CAMKMT: variants seen among roughly 807,000 people sequenced by gnomAD.
The protein encoded by CAMKMT is CaM KMT.
CAMKMT carries 53 observed loss-of-function variants against 48.0 expected under a neutral mutation model. The observed-to-expected ratio is 1.10, with a 90% CI of 0.89 to 1.39. The LOEUF is 1.39. Ranked by LOEUF, CAMKMT falls within the 40% of genes most tolerant of loss-of-function variation. The probability of loss-of-function intolerance (pLI) is 0.00; values close to 1 mark genes in which losing one functional copy is unlikely to be tolerated. For synonymous variants in CAMKMT, 165 were observed against 152.3 expected, an observed-to-expected ratio of 1.08 and a Z score of -0.61; for missense variants, 428 against 402.7, an observed-to-expected ratio of 1.06 and a Z score of -0.54.
Position 44,608,126 on chromosome 2 carries a change from G to T in CAMKMT, c.377-96157G>T, listed in dbSNP as rs552619918. 2.1e-3 allele frequency among the ~76,000 whole-genome samples: 289 copies of T among 138,886 alleles called. No individual in the cohort carries two copies. The Middle Eastern group carries it at 0.032, about 16-fold the overall frequency. 91.1% of individuals were successfully genotyped at this position (138,886 alleles called of 152,430 possible). A position where few individuals can be genotyped will look rare whatever the true frequency, so the allele number is the denominator to read the frequency against. On this transcript the variant is annotated intron_variant, in intron 3 of 10. Transcript: ENST00000378494. ...CTTGCTCCGTCGCCCAGGCTGGAGT[G>T]CAGTGGCAGCATCTCGGCTCACTGC...
intron 3 of CAMKMT, among the ~76,000 whole-genome samples, chr2:44,454,413 A>C (rs567199786): frequency 1.8e-4 from 27 of 152,256 alleles, no homozygotes; most frequent in African/African-American, 6.5e-4. Context: ...TGACCCTACC[A>C]GTAAAATAAA....
At chr2:44,549,418 A>G (rs1435895052) in intron 3 of CAMKMT, 36 of 596,440 alleles carry the variant, frequency 6.0e-5, no homozygotes, top group South Asian at 5.7e-4. Context: ...CCAAGGGAAG[A>G]GAAGAACCTC....
At chr2:44,636,433 C>T (rs994875534) in intron 3 of CAMKMT, among the ~76,000 whole-genome samples, 30 of 152,168 alleles carry the variant, frequency 2.0e-4, no homozygotes, top group African/African-American at 6.0e-4. Flanking sequence ...ACTGAAGAGG[C>T]GGCTTGCTTC....
intron 3 of CAMKMT, among the ~76,000 whole-genome samples, chr2:44,413,351 C>G (rs1013584103): frequency 2.0e-5 from 3 of 151,626 alleles, no homozygotes; most frequent in African/African-American, 7.3e-5. Flanking sequence ...CCATCACGTA[C>G]TATTAGTAAA....
intron 3 of CAMKMT, among the ~76,000 whole-genome samples, chr2:44,450,106 C>T (rs1572901306): frequency 6.6e-6 from 1 of 152,088 alleles, no homozygotes; most frequent in South Asian, 2.1e-4. Context: ...GGGACCGATG[C>T]TTTTACTGAG....
At chr2:44,747,954 T>G (rs1211066456) in intron 8 of CAMKMT, among the ~76,000 whole-genome samples, 1 of 152,140 alleles carries the variant, frequency 6.6e-6, no homozygotes. Flanking sequence ...GTAACTGAAG[T>G]GAGAGTTAAA....
intron 3 of CAMKMT, among the ~76,000 whole-genome samples, chr2:44,486,541 T>C (rs1163293095): frequency 6.6e-6 from 1 of 152,246 alleles, no homozygotes; most frequent in East Asian, 1.9e-4. Flanking sequence ...AAACTCATAG[T>C]GTGTACTGAT....
chr2:44,402,851 CT>C (rs1241572271), intron 3 of CAMKMT, among the ~76,000 whole-genome samples: 4 of 139,220 alleles, frequency 2.9e-5, no homozygotes, highest in South Asian at 2.3e-4. Flanking sequence ...CTTTTCTTAG[CT>C]TTTTCCCCCA....
intron 3 of CAMKMT, among the ~76,000 whole-genome samples, chr2:44,680,381 AG>A (rs1395485410): frequency 4.6e-5 from 7 of 152,188 alleles, no homozygotes; most frequent in Admixed American, 4.6e-4. Context: ...GACAGTTAAA[AG>A]CCTCTTCATG....
intron 2 of CAMKMT, among the ~76,000 whole-genome samples, chr2:44,378,660 AT>A (rs1433160538): frequency 6.6e-6 from 1 of 152,066 alleles, no homozygotes. Flanking sequence ...CGCCCAGCTA[AT>A]TTTTGTATTT....
intron 3 of CAMKMT, among the ~76,000 whole-genome samples, chr2:44,582,092 C>G (rs1321639901): frequency 6.6e-6 from 1 of 152,234 alleles, no homozygotes; most frequent in Non-Finnish European, 1.5e-5. Flanking sequence ...GTCCTATTTT[C>G]CTTGTACTTT....
chr2:44,609,178 G>A (rs1237393161), intron 3 of CAMKMT, among the ~76,000 whole-genome samples: 1 of 152,206 alleles, frequency 6.6e-6, no homozygotes, highest in Non-Finnish European at 1.5e-5. Context: ...GTAGAATGGC[G>A]ATTGCCAGAG....
intron 3 of CAMKMT, among the ~76,000 whole-genome samples, chr2:44,427,575 G>T (rs547098129): frequency 6.6e-6 from 1 of 152,284 alleles, no homozygotes; most frequent in East Asian, 1.9e-4. Flanking sequence ...CTAGAGGGAT[G>T]CACATCGAAA....
intron 3 of CAMKMT, among the ~76,000 whole-genome samples, chr2:44,622,042 T>G (rs1478727887): frequency 6.6e-6 from 1 of 152,166 alleles, no homozygotes; most frequent in Non-Finnish European, 1.5e-5. Context: ...TTCTAAATTA[T>G]TGGCTTGAAC....
chr2:44,602,322 C>T (rs1029198411), intron 3 of CAMKMT, among the ~76,000 whole-genome samples: 1 of 152,090 alleles, frequency 6.6e-6, no homozygotes, highest in Non-Finnish European at 1.5e-5. Context: ...TGATAATAAA[C>T]ATTCCTCCAC....
intron 3 of CAMKMT, among the ~76,000 whole-genome samples, chr2:44,530,636 C>T (rs1251925219): frequency 6.6e-6 from 1 of 152,032 alleles, no homozygotes; most frequent in African/African-American, 2.4e-5. Context: ...TGCAATATCA[C>T]TATTACTAAA....
intron 3 of CAMKMT, among the ~76,000 whole-genome samples, chr2:44,480,272 C>T (rs922502535): frequency 3.9e-5 from 6 of 152,162 alleles, no homozygotes; most frequent in African/African-American, 1.4e-4. Flanking sequence ...TCCCAAGCAG[C>T]AGAGTGCTTG....
At chr2:44,707,547 A>C in intron 6 of CAMKMT, 85 bp downstream of exon 6, 1 of 1,144,572 alleles carries the variant, frequency 8.7e-7, no homozygotes, top group Non-Finnish European at 1.3e-6. Flanking sequence ...GAAAGACAGC[A>C]TGGGGTATTA....
chr2:44,532,352 G>C (rs2104829662), intron 3 of CAMKMT, among the ~76,000 whole-genome samples: 1 of 152,344 alleles, frequency 6.6e-6, no homozygotes, highest in Non-Finnish European at 1.5e-5. Flanking sequence ...CTGATGATCT[G>C]TTAATTTGCA....
Sources: gnomAD v4.1 joint callset for allele counts (sites outside exome capture counted in the v4.1 genomes callset) on GRCh38, gnomAD v4.1.1 for gene constraint, MANE v1.5 for transcripts, NCBI Gene and HGNC (gene_info 2026-07-23, HGNC 2026-07-21) for gene names.